USH2A: variants seen among roughly 807,000 people sequenced by gnomAD.
USH2A encodes Usher syndrome 2A (autosomal recessive, mild).
USH2A carries 443 observed loss-of-function variants against 538.9 expected under a neutral mutation model. That is an observed-to-expected ratio of 0.82 (90% confidence interval 0.76 to 0.89). USH2A has a LOEUF of 0.89. USH2A is among the 40% of genes least tolerant of loss of function. The pLI is 0.00. For missense variants in USH2A, 6,633 were observed against 6,324.8 expected, an observed-to-expected ratio of 1.05 and a Z score of -1.65; for synonymous variants, 2,413 against 2,273.5, an observed-to-expected ratio of 1.06 and a Z score of -1.75.
At chr1:215,666,284 T>C (rs900967414) in intron 64 of USH2A, among the ~76,000 whole-genome samples, 3 of 91,360 alleles carry the variant, frequency 3.3e-5, no homozygotes, top group African/African-American at 1.1e-4. Flanking sequence ...ATAAAATCCA[T>C]GAGGAAGATT....
At chr1:216,388,000 C>G (rs2039034445) in intron 3 of USH2A, among the ~76,000 whole-genome samples, 1 of 152,118 alleles carries the variant, frequency 6.6e-6, no homozygotes, top group Admixed American at 6.5e-5. Context: ...ATGTGTCACA[C>G]AATAACTAGC....
At chr1:215,729,674 A>C (rs941563940) in intron 60 of USH2A, among the ~76,000 whole-genome samples, 13 of 152,204 alleles carry the variant, frequency 8.5e-5, no homozygotes, top group Non-Finnish European at 1.9e-4. Context: ...TCTGTCACTC[A>C]GGCTGGAGTG....
chr1:216,176,230 AT>A (rs1166623764), intron 20 of USH2A, among the ~76,000 whole-genome samples: 2,513 of 146,140 alleles, frequency 0.017, 71 homozygotes, highest in African/African-American at 0.056. Flanking sequence ...ACCTTTATTT[AT>A]TTTTTTTTTT....
intron 44 of USH2A, among the ~76,000 whole-genome samples, chr1:215,864,319 G>A (rs1664413790): frequency 6.6e-6 from 1 of 152,098 alleles, no homozygotes; most frequent in South Asian, 2.1e-4. Flanking sequence ...GTGCTTTTCT[G>A]AGGATTGTAT....
At chr1:215,813,223 C>T (rs904063698) in intron 49 of USH2A, among the ~76,000 whole-genome samples, 1 of 152,112 alleles carries the variant, frequency 6.6e-6, no homozygotes, top group African/African-American at 2.4e-5. Context: ...GGAAAAAATC[C>T]AGTTTGCTAC....
intron 43 of USH2A, among the ~76,000 whole-genome samples, chr1:215,873,548 G>A (rs1664675939): frequency 6.6e-6 from 1 of 152,074 alleles, no homozygotes; most frequent in Non-Finnish European, 1.5e-5. Flanking sequence ...ATCCCCCACA[G>A]AAATGGCATC....
Position 216,200,120 on chromosome 1 carries a change from A to G in USH2A, c.3318T>C (p.Ser1106=). The G allele has an allele frequency of 6.2e-7, 1 of 1,607,504 alleles. No individual in the cohort carries two copies. The highest frequency in any genetic ancestry group is 1.1e-5 in the South Asian group (1 of 89,224). The change falls in exon 17 of 72, where the codon AGT becomes AGC. Residue 1106 remains serine, a splice_region_variant and synonymous_variant. Coordinates refer to ENST00000307340, the MANE Select transcript of USH2A (RefSeq NM_206933.4). The part of the protein sequence containing the change: ...IYTTEDQYPY[S]IQYFLDTDLL... ...GGTCTGTGTCTAAGAAGTATTGAAT[A>G]CCTGAAATGAAAAGAAAAAAAAAAA...
At chr1:215,985,733 T>A (rs1206789599) in intron 35 of USH2A, among the ~76,000 whole-genome samples, 1 of 152,188 alleles carries the variant, frequency 6.6e-6, no homozygotes, top group Non-Finnish European at 1.5e-5. Flanking sequence ...GAAAACTTAT[T>A]TCTATAGCAT....
At chr1:215,809,993 A>G (rs950545071) in intron 49 of USH2A, among the ~76,000 whole-genome samples, 2 of 152,182 alleles carry the variant, frequency 1.3e-5, no homozygotes, top group African/African-American at 4.8e-5. Flanking sequence ...CAGAGGTCAC[A>G]AAATAATCTC....
chr1:215,957,259 T>A (rs902418415), intron 37 of USH2A, among the ~76,000 whole-genome samples: 4 of 152,186 alleles, frequency 2.6e-5, no homozygotes, highest in African/African-American at 9.6e-5. Context: ...TTATTCCTAA[T>A]ATCTTTTGTG....
chr1:216,104,019 G>A (rs976948891), intron 21 of USH2A, among the ~76,000 whole-genome samples: 28 of 151,974 alleles, frequency 1.8e-4, no homozygotes, highest in African/African-American at 6.3e-4. Flanking sequence ...ATACCTAGCC[G>A]AATCCAGTCT....
At chr1:216,034,692 C>T (rs889663964) in intron 32 of USH2A, among the ~76,000 whole-genome samples, 5 of 152,070 alleles carry the variant, frequency 3.3e-5, no homozygotes, top group African/African-American at 1.2e-4. Context: ...GACTGACAGA[C>T]ACCTGCCAGA....
chr1:215,766,194 T>A (rs1418457552), intron 56 of USH2A, among the ~76,000 whole-genome samples: 1 of 152,200 alleles, frequency 6.6e-6, no homozygotes, highest in African/African-American at 2.4e-5. Context: ...AAAGCCTTTT[T>A]TGATGTCATC....
At chr1:216,391,276 A>T (rs995611445) in intron 3 of USH2A, among the ~76,000 whole-genome samples, 2 of 152,218 alleles carry the variant, frequency 1.3e-5, no homozygotes, top group Non-Finnish European at 2.9e-5. Context: ...GCTTCCAGTG[A>T]CAGAAGGCTT....
At chr1:216,353,999 A>G (rs914221634) in intron 4 of USH2A, among the ~76,000 whole-genome samples, 14 of 152,178 alleles carry the variant, frequency 9.2e-5, no homozygotes, top group African/African-American at 3.4e-4. Context: ...GGATTCAGGC[A>G]TAGAAGGAGT....
chr1:216,072,944 C>A lies in USH2A; in HGVS notation c.5802G>T (p.Ser1934=). Residue 1934 remains serine (S), a synonymous_variant, in exon 29 of 72, where the codon TCG becomes TCT. Transcript: ENST00000307340. Reference sequence around the variant, plus strand: ...CACTATATACTGAACCTCCTTCATGCGAGGCTATCACTCGATACAGGTATT... The same window carrying A: ...CACTATATACTGAACCTCCTTCATGAGAGGCTATCACTCGATACAGGTATT... The part of the protein sequence containing the change: ...FTEYLYRVIA[S]HEGGSVYSDW... 1.9e-6 allele frequency: 3 copies of A among 1,613,802 alleles called. No individual in the cohort carries two copies. The highest frequency in any genetic ancestry group is 1.1e-5 in the South Asian group (1 of 91,068).
intron 21 of USH2A, among the ~76,000 whole-genome samples, chr1:216,138,219 A>C (rs187928389): frequency 2.7e-4 from 41 of 152,308 alleles, no homozygotes; most frequent in African/African-American, 9.6e-4. Context: ...ATTTAGGATA[A>C]TGGCCGGTAC....
At chr1:215,774,223 G>T (rs746612226) in intron 55 of USH2A, among the ~76,000 whole-genome samples, 4 of 152,026 alleles carry the variant, frequency 2.6e-5, no homozygotes, top group Non-Finnish European at 5.9e-5. Context: ...CTGACTACTT[G>T]CTATAAGCTA....
chr1:215,696,769 A>G (rs1658824247), intron 61 of USH2A, among the ~76,000 whole-genome samples: 1 of 152,178 alleles, frequency 6.6e-6, no homozygotes, highest in Non-Finnish European at 1.5e-5. Flanking sequence ...TGGGAGGCCA[A>G]GGTGGGAGGA....
Sources: allele counts gnomAD v4.1 joint callset (sites outside exome capture counted in the v4.1 genomes callset), GRCh38; gene constraint gnomAD v4.1.1; transcripts MANE v1.5; gene names NCBI Gene and HGNC (gene_info 2026-07-23, HGNC 2026-07-21).